The following KDM4C variants were observed in gnomAD, a reference collection of about 807,000 sequenced individuals.
KDM4C encodes lysine demethylase 4C, also known as lysine-specific demethylase 4C.
In KDM4C, 81 loss-of-function variants were observed where a neutral mutation model predicts 129.3. That is an observed-to-expected ratio of 0.63 (90% CI 0.52 to 0.75). The LOEUF (loss-of-function observed/expected upper bound fraction) is 0.75, where lower values mean the gene tolerates loss of function less well. Among genes scored for constraint, KDM4C ranks in the 30% least tolerant of loss-of-function variants. The probability of loss-of-function intolerance (pLI) is 0.00; values close to 1 mark genes in which losing one functional copy is unlikely to be tolerated. For synonymous variants in KDM4C, 573 were observed against 456.1 expected, an observed-to-expected ratio of 1.26 and a Z score of -3.26; for missense variants, 1,457 against 1,304.0, an observed-to-expected ratio of 1.12 and a Z score of -1.81.
intron 4 of KDM4C, among the ~76,000 whole-genome samples, chr9:6,841,766 C>T (rs2129857021): frequency 6.6e-6 from 1 of 152,298 alleles, no homozygotes; most frequent in Non-Finnish European, 1.5e-5. Context: ...AATGCATGAT[C>T]AGGCCGTCTT....
chr9:6,762,031 C>A (rs1819649642), intron 1 of KDM4C, among the ~76,000 whole-genome samples: 1 of 152,072 alleles, frequency 6.6e-6, no homozygotes, highest in Admixed American at 6.6e-5. Flanking sequence ...ATCTCCTGAC[C>A]TCGTGATCCG....
chr9:7,142,054 C>T (rs771939770), intron 19 of KDM4C, among the ~76,000 whole-genome samples: 5 of 152,244 alleles, frequency 3.3e-5, no homozygotes, highest in Non-Finnish European at 2.9e-5. Context: ...TCTTGACACA[C>T]GAACATTTAA....
chr9:6,929,715 C>T (rs11794707), intron 8 of KDM4C, among the ~76,000 whole-genome samples: 38,401 of 151,670 alleles, frequency 0.25, 5,356 homozygotes, highest in South Asian at 0.39. Flanking sequence ...GATTGCAATC[C>T]GGGTGTATTT....
chr9:6,858,342 A>G (rs1363302671), intron 5 of KDM4C, among the ~76,000 whole-genome samples: 1 of 127,948 alleles, frequency 7.8e-6, no homozygotes, highest in Non-Finnish European at 1.5e-5. Flanking sequence ...TTTTAGTTAC[A>G]CCACCACCAC....
chr9:6,895,942 A>T (rs1395581715), intron 8 of KDM4C, among the ~76,000 whole-genome samples: 1 of 152,210 alleles, frequency 6.6e-6, no homozygotes, highest in East Asian at 1.9e-4. Context: ...ACATTATAGT[A>T]AGCTGAGTTA....
intron 15 of KDM4C, among the ~76,000 whole-genome samples, chr9:7,022,112 G>C (rs1232799434): frequency 1.3e-5 from 2 of 151,920 alleles, no homozygotes; most frequent in Non-Finnish European, 2.9e-5. Context: ...TGTTCTTTTT[G>C]CTTAGGATAG....
At chr9:7,016,425 C>CTTTTTTT (rs759501262) in intron 15 of KDM4C, among the ~76,000 whole-genome samples, 1 of 102,726 alleles carries the variant, frequency 9.7e-6, no homozygotes, top group Non-Finnish European at 1.8e-5. Context: ...CTGTTCCTGG[C>CTTTTTTT]TTTTTTTTTT....
intron 8 of KDM4C, among the ~76,000 whole-genome samples, chr9:6,930,706 T>C (rs1333483297): frequency 2.2e-5 from 3 of 137,110 alleles, no homozygotes; most frequent in Non-Finnish European, 4.9e-5. Flanking sequence ...ACATATCATA[T>C]GATTATACTA....
chr9:7,085,617 T>C (rs1201664345), intron 17 of KDM4C, among the ~76,000 whole-genome samples: 3 of 152,066 alleles, frequency 2.0e-5, no homozygotes, highest in Non-Finnish European at 4.4e-5. Context: ...GTGTTTAGGT[T>C]TATGGTTCCT....
At chr9:6,821,405 T>A (rs1397417069) in intron 4 of KDM4C, among the ~76,000 whole-genome samples, 2 of 152,202 alleles carry the variant, frequency 1.3e-5, no homozygotes, top group East Asian at 3.8e-4. Flanking sequence ...TTTTTAATGA[T>A]CACCATTCTA....
chr9:7,035,819 T>C (rs2890735), intron 15 of KDM4C, among the ~76,000 whole-genome samples: 16,841 of 152,140 alleles, frequency 0.11, 1,254 homozygotes, highest in African/African-American at 0.2. Flanking sequence ...ATTTCTGGGC[T>C]CTCTATTCTG....
Position 6,989,327 on chromosome 9 carries a change from T to C in KDM4C, c.1678-1089T>C, listed in dbSNP as rs143885561. Among the ~76,000 whole-genome samples, 309 of 152,294 alleles carry C rather than the reference T, an allele frequency of 2.0e-3. 1 individual carries two copies. Among genetic ancestry groups the C allele is most frequent in the African/African-American group, 7.1e-3 (296 of 41,564 alleles). ...AGACTAAGATTGTTTTCTTTCATAG[T>C]CAACTCTTGATGTAAGCTTGCTGGG... is the stretch of plus-strand genomic sequence containing the variant. On this transcript the variant is annotated intron_variant, in intron 11 of 21. Coordinates refer to ENST00000381309, the MANE Select transcript of KDM4C (RefSeq NM_015061.6).
In KDM4C at chr9:6,853,698, TA is replaced by T. The variant is rs559360877; in HGVS notation, c.629+3999del. On this transcript the variant is annotated intron_variant, in intron 5 of 21. Coordinates refer to ENST00000381309, the MANE Select transcript of KDM4C (RefSeq NM_015061.6). ...ATTTGAACATTTCTGGTTGAAGGTT[TA>T]GGGGGAAAAGTATCCTTAGAGTAAG... 1.2e-3 allele frequency among the ~76,000 whole-genome samples: 187 copies of T among 152,302 alleles called. 1 individual carries two copies. The highest frequency in any genetic ancestry group is 1.9e-3 in the Non-Finnish European group (130 of 68,014).
chr9:7,067,820 A>C (rs572382525), intron 17 of KDM4C, among the ~76,000 whole-genome samples: 1 of 151,970 alleles, frequency 6.6e-6, no homozygotes, highest in East Asian at 1.9e-4. Context: ...TTTTGAGATG[A>C]AGTCTTGCCC....
chr9:6,759,419 T>A (rs1818940657), intron 1 of KDM4C, among the ~76,000 whole-genome samples: 1 of 152,216 alleles, frequency 6.6e-6, no homozygotes. Context: ...CAGTCGGCTC[T>A]GCTTTGCGAT....
chr9:7,000,703 A>G (rs2132028065), intron 12 of KDM4C, among the ~76,000 whole-genome samples: 1 of 152,296 alleles, frequency 6.6e-6, no homozygotes, highest in Non-Finnish European at 1.5e-5. Flanking sequence ...CATACAACTC[A>G]AGTGTGTTAC....
intron 8 of KDM4C, among the ~76,000 whole-genome samples, chr9:6,936,366 C>G (rs1417109514): frequency 2.0e-5 from 3 of 152,012 alleles, no homozygotes; most frequent in African/African-American, 7.3e-5. Flanking sequence ...TACATGTATA[C>G]AAACAGTATT....
intron 19 of KDM4C, among the ~76,000 whole-genome samples, chr9:7,133,264 G>A (rs931556501): frequency 6.6e-6 from 1 of 151,832 alleles, no homozygotes; most frequent in South Asian, 2.1e-4. Flanking sequence ...ACCTTTTCTG[G>A]TCTTGAAATT....
rs529134199 is a variant in KDM4C, at chr9:6,982,160, CTAAG to C, written c.1115+1046_1115+1049del. The C allele has an allele frequency of 2.5e-4, 38 of 151,934 alleles. No homozygotes were observed. In the South Asian group the frequency reaches 2.9e-3, roughly 12 times the overall value. The allele number at this position is 151,934 out of a possible 1,614,324, so 9.4% of individuals were successfully genotyped here. A position where few individuals can be genotyped will look rare whatever the true frequency, so the allele number is the denominator to read the frequency against. On this transcript the variant is annotated intron_variant, in intron 9 of 21. Transcript: ENST00000381309. ...CTTGTGTCCACTTTTTTGATATTAACTAAGTAACACCATAATTTTACATCTTTGC... is the reference window on the plus strand; with the variant it reads ...CTTGTGTCCACTTTTTTGATATTAACTAACACCATAATTTTACATCTTTGC...
Sources: gnomAD v4.1 joint callset for allele counts (sites outside exome capture counted in the v4.1 genomes callset) on GRCh38, gnomAD v4.1.1 for gene constraint, MANE v1.5 for transcripts, NCBI Gene and HGNC (gene_info 2026-07-23, HGNC 2026-07-21) for gene names.